Variants in XNDC1N observed in about 807,000 individuals in gnomAD.
XNDC1N encodes the protein protein XNDC1N.
At chr11:71,879,273 A>G in the XNDC1N span, among the ~76,000 whole-genome samples, 1 of 128,876 alleles carries the variant, frequency 7.8e-6, no homozygotes, top group East Asian at 2.0e-4. Flanking sequence ...GTATATGGAA[A>G]TTACTTTTTG....
the XNDC1N span, among the ~76,000 whole-genome samples, chr11:71,866,196 T>C: frequency 6.6e-6 from 1 of 151,768 alleles, no homozygotes; most frequent in Admixed American, 6.6e-5. Flanking sequence ...CCTGACCATA[T>C]CTTAACCATT....
chr11:71,912,943 G>T, the XNDC1N span, among the ~76,000 whole-genome samples: 6 of 152,160 alleles, frequency 3.9e-5, no homozygotes, highest in Admixed American at 2.6e-4. Context: ...TCACAAGTGG[G>T]GTGTACTGCC....
At chr11:71,926,615 C>T in the XNDC1N span, among the ~76,000 whole-genome samples, 1 of 152,122 alleles carries the variant, frequency 6.6e-6, no homozygotes, top group African/African-American at 2.4e-5. Context: ...AAAAATTATA[C>T]CTAGGCTGGG....
At chr11:71,879,374 T>G in the XNDC1N span, among the ~76,000 whole-genome samples, 1 of 152,170 alleles carries the variant, frequency 6.6e-6, no homozygotes, top group Admixed American at 6.5e-5. Context: ...AATATGACTT[T>G]CCCAAATTAA....
the XNDC1N span, among the ~76,000 whole-genome samples, chr11:71,868,821 C>A: frequency 6.6e-6 from 1 of 152,174 alleles, no homozygotes; most frequent in Non-Finnish European, 1.5e-5. Context: ...TTGAATCAAC[C>A]TCTCTAGTGA....
chr11:71,904,757 C>T, the XNDC1N span, among the ~76,000 whole-genome samples: 22 of 151,960 alleles, frequency 1.4e-4, no homozygotes, highest in Non-Finnish European at 3.1e-4. Flanking sequence ...AGTAATATTC[C>T]CCTAGGATAT....
chr11:71,909,015 G>T, the XNDC1N span, among the ~76,000 whole-genome samples: 1 of 152,164 alleles, frequency 6.6e-6, no homozygotes, highest in Non-Finnish European at 1.5e-5. Context: ...TCAGGGTAAA[G>T]AAGAAAGTCC....
chr11:71,915,177 G>C, the XNDC1N span, among the ~76,000 whole-genome samples: 1 of 152,092 alleles, frequency 6.6e-6, no homozygotes, highest in African/African-American at 2.4e-5. Context: ...GGCCGGGCAC[G>C]GTGGCTCACG....
the XNDC1N span, among the ~76,000 whole-genome samples, chr11:71,910,575 G>A: frequency 2.0e-5 from 3 of 152,170 alleles, no homozygotes; most frequent in East Asian, 1.9e-4. Context: ...CACGGCATTC[G>A]GGTGTGCCAA....
At chr11:71,924,778 CATATT>C in the XNDC1N span, among the ~76,000 whole-genome samples, 1 of 152,150 alleles carries the variant, frequency 6.6e-6, no homozygotes, top group African/African-American at 2.4e-5. Context: ...CAAAAACACA[CATATT>C]AGTATAATGA....
chr11:71,927,916 T>G, the XNDC1N span: 6 of 152,626 alleles, frequency 3.9e-5, no homozygotes, highest in Admixed American at 2.6e-4. Flanking sequence ...TAAAGCTGAC[T>G]TTTCTAGACG....
chr11:71,924,591 T>C, the XNDC1N span, among the ~76,000 whole-genome samples: 2 of 151,706 alleles, frequency 1.3e-5, no homozygotes, highest in South Asian at 2.1e-4. Context: ...GGCAGGAGAA[T>C]GGCGTGAACC....
the XNDC1N span, among the ~76,000 whole-genome samples, chr11:71,908,444 T>A: frequency 6.6e-6 from 1 of 152,112 alleles, no homozygotes; most frequent in Non-Finnish European, 1.5e-5. Flanking sequence ...TTAGCGCCAA[T>A]TAATAATTGA....
the XNDC1N span, among the ~76,000 whole-genome samples, chr11:71,888,076 C>T: frequency 6.6e-6 from 1 of 152,146 alleles, no homozygotes; most frequent in African/African-American, 2.4e-5. Context: ...GCGTGTTGCT[C>T]TAGTAGGTTG....
At chr11:71,903,614 G>T in the XNDC1N span, 324 of 577,012 alleles carry the variant, frequency 5.6e-4, 2 homozygotes, top group African/African-American at 5.8e-3. Flanking sequence ...CCGTGTTTCT[G>T]TGGCTTCCTA....
the XNDC1N span, among the ~76,000 whole-genome samples, chr11:71,925,348 T>C: frequency 2.1e-3 from 313 of 152,298 alleles, 8 homozygotes; most frequent in South Asian, 0.063. Flanking sequence ...ATAAAAATTG[T>C]GCTCCAAAGG....
At chr11:71,907,007 G>A in the XNDC1N span, among the ~76,000 whole-genome samples, 11 of 152,200 alleles carry the variant, frequency 7.2e-5, no homozygotes, top group East Asian at 1.2e-3. Context: ...AAACTACTCC[G>A]TGTGACAAAA....
the XNDC1N span, among the ~76,000 whole-genome samples, chr11:71,890,065 G>T: frequency 6.6e-6 from 1 of 152,178 alleles, no homozygotes; most frequent in Non-Finnish European, 1.5e-5. Context: ...TTCCGGAAAG[G>T]TGGAGTGGAT....
At chr11:71,879,039 T>A in the XNDC1N span, among the ~76,000 whole-genome samples, 2 of 152,234 alleles carry the variant, frequency 1.3e-5, no homozygotes, top group East Asian at 3.9e-4. Flanking sequence ...ACTTGAGAGT[T>A]GTGTTTGATC....
Sources: allele counts gnomAD v4.1 joint callset (sites outside exome capture counted in the v4.1 genomes callset), GRCh38; gene constraint gnomAD v4.1.1; transcripts MANE v1.5; gene names NCBI Gene and HGNC (gene_info 2026-07-23, HGNC 2026-07-21).